Variants in SNTG1 observed in about 807,000 individuals in gnomAD.
SNTG1 encodes syntrophin gamma 1.
A neutral mutation model predicts 74.7 loss-of-function variants in SNTG1; 39 were observed. That is an observed-to-expected ratio of 0.52 (90% CI 0.40 to 0.68). The LOEUF is 0.68. Ranked by LOEUF, SNTG1 falls within the 30% of genes least tolerant of loss-of-function variation. The probability of loss-of-function intolerance (pLI) is 0.00; values close to 1 mark genes in which losing one functional copy is unlikely to be tolerated. For synonymous variants in SNTG1, 254 were observed against 217.1 expected (o/e 1.17, Z -1.49); for missense variants, 685 against 609.5 (o/e 1.12, Z -1.30).
At chr8:50,168,167 C>T (rs1382253088) in intron 1 of SNTG1, among the ~76,000 whole-genome samples, 2 of 151,510 alleles carry the variant, frequency 1.3e-5, no homozygotes, top group Non-Finnish European at 2.9e-5. Flanking sequence ...TATTTCCCAA[C>T]TTCCTGAAAA....
intron 2 of SNTG1, among the ~76,000 whole-genome samples, chr8:50,178,555 C>T (rs1347761696): frequency 1.3e-5 from 2 of 152,076 alleles, no homozygotes; most frequent in African/African-American, 2.4e-5. Flanking sequence ...CAATATGAAG[C>T]CTCTTCCTCA....
intron 2 of SNTG1, among the ~76,000 whole-genome samples, chr8:50,345,031 G>A (rs1489330733): frequency 6.6e-6 from 1 of 152,156 alleles, no homozygotes; most frequent in East Asian, 1.9e-4. Context: ...GGGAGGCCTT[G>A]ATAGAAACCA....
chr8:50,236,089 A>G (rs568598821), intron 2 of SNTG1, among the ~76,000 whole-genome samples: 2 of 152,198 alleles, frequency 1.3e-5, no homozygotes, highest in East Asian at 3.9e-4. Flanking sequence ...AGTATGGAGG[A>G]GAGGTTGTGC....
intron 4 of SNTG1, among the ~76,000 whole-genome samples, chr8:50,413,352 C>A (rs1396197816): frequency 6.6e-6 from 1 of 151,938 alleles, no homozygotes; most frequent in Non-Finnish European, 1.5e-5. Flanking sequence ...TTTTCTTCTT[C>A]CTTAAAATGG....
At chr8:50,489,888 T>C (rs141125378) in intron 8 of SNTG1, among the ~76,000 whole-genome samples, 11,322 of 152,218 alleles carry the variant, frequency 0.074, 915 homozygotes, top group African/African-American at 0.2. Context: ...TCTTCTAGGA[T>C]TTTCATGGTT....
chr8:50,675,787 G>T (rs1015323276), intron 15 of SNTG1, among the ~76,000 whole-genome samples: 4 of 152,038 alleles, frequency 2.6e-5, no homozygotes, highest in African/African-American at 9.7e-5. Flanking sequence ...TTTTTGCAGT[G>T]GCTGGTACCC....
chr8:50,417,870 A>T (rs547247557), intron 4 of SNTG1, among the ~76,000 whole-genome samples: 2 of 152,200 alleles, frequency 1.3e-5, no homozygotes, highest in African/African-American at 4.8e-5. Flanking sequence ...TAAGGTCACC[A>T]TCTAGTCATA....
intron 2 of SNTG1, among the ~76,000 whole-genome samples, chr8:50,278,715 G>A (rs1012664949): frequency 4.6e-5 from 7 of 151,898 alleles, no homozygotes; most frequent in South Asian, 2.1e-4. Context: ...TTGGAAAAAT[G>A]TAGAATTTTT....
intron 2 of SNTG1, among the ~76,000 whole-genome samples, chr8:50,389,688 A>G (rs2092627216): frequency 6.6e-6 from 1 of 152,178 alleles, no homozygotes; most frequent in South Asian, 2.1e-4. Flanking sequence ...GAACTAGTTT[A>G]CAGTCCCACC....
At chr8:50,631,075 G>A (rs539020506) in intron 13 of SNTG1, among the ~76,000 whole-genome samples, 2 of 152,278 alleles carry the variant, frequency 1.3e-5, no homozygotes, top group South Asian at 4.1e-4. Flanking sequence ...CCTCTTACGG[G>A]GATAGGAGAA....
intron 2 of SNTG1, among the ~76,000 whole-genome samples, chr8:50,295,654 A>G (rs1586995624): frequency 6.6e-6 from 1 of 152,178 alleles, no homozygotes; most frequent in Non-Finnish European, 1.5e-5. Flanking sequence ...ATGTAAACAA[A>G]CAACCTTCCA....
chr8:50,626,722 C>A (rs2094958842), intron 13 of SNTG1, among the ~76,000 whole-genome samples: 1 of 152,082 alleles, frequency 6.6e-6, no homozygotes, highest in South Asian at 2.1e-4. Context: ...CTTGGGTGGG[C>A]CAGGTGTTCC....
chr8:50,432,364 A>G (rs1353014835), intron 4 of SNTG1, among the ~76,000 whole-genome samples: 1 of 151,216 alleles, frequency 6.6e-6, no homozygotes, highest in African/African-American at 2.4e-5. Flanking sequence ...CCTGTTCTGT[A>G]CCAGTGGTCT....
intron 1 of SNTG1, among the ~76,000 whole-genome samples, chr8:50,116,902 A>T (rs2080843058): frequency 6.6e-6 from 1 of 152,162 alleles, no homozygotes; most frequent in Admixed American, 6.6e-5. Context: ...ACTGCAAAGG[A>T]GTCAAAAAAC....
rs562794030 is a variant in SNTG1 at position 50,201,910 on chromosome 8, A to G, written c.-28+29275A>G. ...TTCAATAGTTAGAAACATGGCTCCC[A>G]CCATCAAACAGCCATTTACTGATGT... On this transcript the variant is annotated intron_variant, in intron 2 of 18. Coordinates refer to ENST00000642720, the MANE Select transcript of SNTG1 (RefSeq NM_018967.5). Among the ~76,000 whole-genome samples, 53 of 152,294 alleles carry G rather than the reference A, an allele frequency of 3.5e-4. 1 individual carries two copies. The South Asian group carries it at 0.011, about 31-fold the overall frequency.
At chr8:50,207,027 CT>C (rs529153706) in intron 2 of SNTG1, among the ~76,000 whole-genome samples, 3 of 152,026 alleles carry the variant, frequency 2.0e-5, no homozygotes. Flanking sequence ...CTAAAATTGT[CT>C]TTTTTTGTTG....
At position 50,207,739 on chromosome 8, in the gene SNTG1, G is replaced by A. The variant is rs1586694392; in HGVS notation, c.-28+35104G>A. On this transcript the variant is annotated intron_variant, in intron 2 of 18. Coordinates refer to ENST00000642720, the MANE Select transcript of SNTG1 (RefSeq NM_018967.5). ...TTTCCCTCTACACACTGCTTTAAAT[G>A]TGTCCCAGAGATTCTGGTATGTTGT... 3.9e-5 allele frequency among the ~76,000 whole-genome samples: 6 copies of A among 152,254 alleles called. No individual in the cohort carries two copies. In the Middle Eastern group the frequency reaches 0.014, roughly 345 times the overall value.
chr8:50,792,864 G>A lies in SNTG1; in HGVS notation c.*35G>A, dbSNP rs756979628. 9 of 1,566,158 alleles carry A rather than the reference G, an allele frequency of 5.7e-6. No individual in the cohort carries two copies. In the South Asian group the frequency reaches 7.3e-5, roughly 13 times the overall value. ...CTCTTCATTGACACACCCCATGACTGTATAAGCAGGACACATTTACTCATC... is the reference window on the plus strand; with the variant it reads ...CTCTTCATTGACACACCCCATGACTATATAAGCAGGACACATTTACTCATC... On this transcript the variant is annotated 3_prime_UTR_variant, in exon 19 of 19. Coordinates refer to ENST00000642720, the MANE Select transcript of SNTG1 (RefSeq NM_018967.5).
chr8:50,406,913 G>A (rs2092883282), intron 4 of SNTG1, among the ~76,000 whole-genome samples: 1 of 152,106 alleles, frequency 6.6e-6, no homozygotes, highest in African/African-American at 2.4e-5. Context: ...GTCTGCATCT[G>A]AGGAAAGCCA....
Sources: allele counts gnomAD v4.1 joint callset (sites outside exome capture counted in the v4.1 genomes callset), GRCh38; gene constraint gnomAD v4.1.1; transcripts MANE v1.5; gene names NCBI Gene and HGNC (gene_info 2026-07-23, HGNC 2026-07-21).